The following RIMS1 variants were observed in gnomAD, a reference collection of about 807,000 sequenced individuals.
RIMS1 encodes regulating synaptic membrane exocytosis 1.
Under a neutral mutation model 214.1 loss-of-function variants are expected in RIMS1, and 83 were observed. The observed-to-expected ratio is 0.39, with a 90% confidence interval of 0.32 to 0.47. The LOEUF is 0.47. Among genes scored for constraint, RIMS1 ranks in the 20% least tolerant of loss-of-function variants. The pLI, the probability that RIMS1 is intolerant of heterozygous loss-of-function variation, is 0.99. For missense variants in RIMS1, 2,050 were observed against 2,161.8 expected (o/e 0.95, Z 1.03); for synonymous variants, 793 against 786.8 (o/e 1.01, Z -0.13).
chr6:72,186,160 C>T (rs1474293372), intron 6 of RIMS1, among the ~76,000 whole-genome samples: 1 of 152,214 alleles, frequency 6.6e-6, no homozygotes, highest in Non-Finnish European at 1.5e-5. Context: ...AAAAGTTATA[C>T]TCAGATTTCT....
rs117364273 is a variant in RIMS1, at chr6:72,063,651, G to A, written c.246-33298G>A. On this transcript the variant is annotated intron_variant, in intron 2 of 33. Transcript: ENST00000521978. ...GGAGGGACCCTCCAACTATAGTGGTGTCTCATTCTAGGCAGGTGATTCACA... is the reference window on the plus strand; with the variant it reads ...GGAGGGACCCTCCAACTATAGTGGTATCTCATTCTAGGCAGGTGATTCACA... 3.2e-3 allele frequency among the ~76,000 whole-genome samples: 487 copies of A among 152,312 alleles called. 11 individuals carry two copies. The East Asian group carries it at 0.044, about 14-fold the overall frequency.
chr6:72,346,271 A>G (rs1216195474), intron 29 of RIMS1, among the ~76,000 whole-genome samples: 2 of 151,950 alleles, frequency 1.3e-5, no homozygotes, highest in East Asian at 3.9e-4. Context: ...GACATCGTTC[A>G]TGAATAGCAG....
chr6:72,188,942 G>C (rs1371750721), intron 6 of RIMS1, among the ~76,000 whole-genome samples: 11 of 152,210 alleles, frequency 7.2e-5, no homozygotes, highest in Admixed American at 7.2e-4. Flanking sequence ...CTTAAAGGTA[G>C]CAGTGGCCAG....
At chr6:72,109,293 T>A (rs1460801896) in intron 4 of RIMS1, among the ~76,000 whole-genome samples, 1 of 152,044 alleles carries the variant, frequency 6.6e-6, no homozygotes, top group Non-Finnish European at 1.5e-5. Flanking sequence ...TCCACAATGG[T>A]TGAAGTAGTT....
intron 1 of RIMS1, among the ~76,000 whole-genome samples, chr6:71,908,496 T>A (rs117397395): frequency 0.025 from 3,846 of 152,282 alleles, 75 homozygotes; most frequent in Non-Finnish European, 0.037. Context: ...ATGAGCCTCC[T>A]CTACATGACT....
chr6:72,360,408 T>G (rs1359381153), intron 29 of RIMS1, among the ~76,000 whole-genome samples: 2 of 152,172 alleles, frequency 1.3e-5, no homozygotes, highest in African/African-American at 4.8e-5. Flanking sequence ...CAAACATATA[T>G]GGAAATGTTA....
At chr6:72,148,591 G>A in intron 4 of RIMS1, 1 of 456,774 alleles carries the variant, frequency 2.2e-6, no homozygotes, top group South Asian at 1.5e-5. Context: ...TCTATGCCAT[G>A]GATACGAGCA....
At chr6:72,384,817 C>T (rs953918546) in intron 29 of RIMS1, among the ~76,000 whole-genome samples, 24 of 152,192 alleles carry the variant, frequency 1.6e-4, no homozygotes, top group Middle Eastern at 6.8e-3. Context: ...TATCTTATTA[C>T]TGTTGTATCT....
rs115606866 is a variant in RIMS1, at chr6:72,334,183, T to C, written c.4366+348T>C. Among the ~76,000 whole-genome samples the C allele has an allele frequency of 4.9e-3, 748 of 152,032 alleles. 5 individuals are homozygous for C. The highest frequency in any genetic ancestry group is 0.017 in the African/African-American group (721 of 41,550). ...TCTCTTTTTCAAAATGTTCCATAAT[T>C]CAATTACTTATTTTTGGCTATATCT... On this transcript the variant is annotated intron_variant, in intron 29 of 33. Coordinates refer to ENST00000521978, the MANE Select transcript of RIMS1 (RefSeq NM_014989.7).
intron 6 of RIMS1, among the ~76,000 whole-genome samples, chr6:72,183,966 G>A (rs1415452239): frequency 6.6e-6 from 1 of 152,128 alleles, no homozygotes; most frequent in African/African-American, 2.4e-5. Context: ...TAAACATGCG[G>A]TATTAAATCA....
intron 6 of RIMS1, among the ~76,000 whole-genome samples, chr6:72,197,556 CAAGAT>C (rs1170683921): frequency 5.3e-5 from 8 of 152,014 alleles, no homozygotes; most frequent in Non-Finnish European, 1.2e-4. Flanking sequence ...TAACAGAACT[CAAGAT>C]AAAGAGAAAG....
intron 4 of RIMS1, among the ~76,000 whole-genome samples, chr6:72,129,860 C>T (rs1162160362): frequency 2.0e-5 from 3 of 152,016 alleles, no homozygotes; most frequent in African/African-American, 4.8e-5. Flanking sequence ...TTTTAATAAA[C>T]AAAACATGGC....
chr6:72,244,467 C>T (rs1243948273), intron 10 of RIMS1, among the ~76,000 whole-genome samples: 1 of 151,740 alleles, frequency 6.6e-6, no homozygotes, highest in South Asian at 2.1e-4. Flanking sequence ...GGCTTTAGAA[C>T]TTCAAATTCT....
chr6:71,897,413 T>G (rs1385602231), intron 1 of RIMS1, among the ~76,000 whole-genome samples: 1 of 152,212 alleles, frequency 6.6e-6, no homozygotes, highest in Non-Finnish European at 1.5e-5. Context: ...ATCTGGATCC[T>G]ACTTGCTATT....
chr6:72,159,544 T>C (rs2044989938), intron 4 of RIMS1, among the ~76,000 whole-genome samples: 1 of 141,102 alleles, frequency 7.1e-6, no homozygotes, highest in African/African-American at 2.5e-5. Flanking sequence ...AAATCTTTAA[T>C]CCATCTTGAA....
intron 4 of RIMS1, among the ~76,000 whole-genome samples, chr6:72,111,599 T>G (rs1367524854): frequency 1.3e-5 from 2 of 152,198 alleles, no homozygotes. Flanking sequence ...TTGGTTTGTT[T>G]TTGGACTTTT....
chr6:72,232,881 A>G (rs368869595), intron 6 of RIMS1, among the ~76,000 whole-genome samples: 28 of 151,862 alleles, frequency 1.8e-4, no homozygotes, highest in African/African-American at 5.8e-4. Flanking sequence ...AACCAAGCAT[A>G]TTTTCCCAAC....
chr6:72,169,961 C>T (rs773573054), intron 4 of RIMS1, among the ~76,000 whole-genome samples: 1 of 152,134 alleles, frequency 6.6e-6, no homozygotes, highest in Non-Finnish European at 1.5e-5. Flanking sequence ...CTTCCAATGG[C>T]TCGTCATTAC....
chr6:72,162,693 T>G lies in RIMS1; in HGVS notation c.472-16882T>G, dbSNP rs2045629217. Among the ~76,000 whole-genome samples the G allele has an allele frequency of 2.1e-5, 3 of 140,792 alleles. 1 individual carries two copies. In the Admixed American group the frequency reaches 2.2e-4, roughly 10 times the overall value. The allele number at this position is 140,792 out of a possible 152,430, so 92.4% of individuals were successfully genotyped here. On this transcript the variant is annotated intron_variant, in intron 4 of 33. Coordinates refer to ENST00000521978, the MANE Select transcript of RIMS1 (RefSeq NM_014989.7). ...AAATTCTGGGTTGAAAATTCTTTTC[T>G]TTAAGAATGTTGAATATTGGCCCCC...
Sources: gnomAD v4.1 joint callset for allele counts (sites outside exome capture counted in the v4.1 genomes callset) on GRCh38, gnomAD v4.1.1 for gene constraint, MANE v1.5 for transcripts, NCBI Gene and HGNC (gene_info 2026-07-23, HGNC 2026-07-21) for gene names.